POLE2: variants seen among roughly 807,000 people sequenced by gnomAD.
The protein encoded by POLE2 is DNA polymerase epsilon 2, accessory subunit.
A neutral mutation model predicts 79.4 loss-of-function variants in POLE2; 56 were observed. That is an observed-to-expected ratio of 0.71 (90% CI 0.57 to 0.88). The LOEUF (loss-of-function observed/expected upper bound fraction) is 0.88, where lower values mean the gene tolerates loss of function less well. POLE2 is among the 40% of genes least tolerant of loss of function. The probability of loss-of-function intolerance (pLI) is 0.00; values close to 1 mark genes in which losing one functional copy is unlikely to be tolerated. For synonymous variants in POLE2, 212 were observed against 214.0 expected, an observed-to-expected ratio of 0.99 and a Z score of 0.08; for missense variants, 598 against 638.9, an observed-to-expected ratio of 0.94 and a Z score of 0.69.
chr14:49,679,108 C>T (rs1165866268), intron 3 of POLE2, among the ~76,000 whole-genome samples: 1 of 152,062 alleles, frequency 6.6e-6, no homozygotes, highest in East Asian at 1.9e-4. Context: ...ATCTCCATTG[C>T]CCCAAATAGG....
In POLE2 at chr14:49,651,266, T is replaced by G. The variant is rs1263946195; in HGVS notation, c.1320+3A>C. On this transcript the variant is annotated splice_donor_region_variant and intron_variant, in intron 16 of 18. Coordinates refer to ENST00000216367, the MANE Select transcript of POLE2 (RefSeq NM_002692.4). ...AGTTTAATAAAAAAGTTGTTTCACT[T>G]ACGTGATTAGGAATAGCCAAATTGC... is the stretch of plus-strand genomic sequence containing the variant. The G allele has an allele frequency of 1.4e-6, 2 of 1,443,374 alleles. No individual in the cohort carries two copies. The highest frequency in any genetic ancestry group is 1.9e-6 in the Non-Finnish European group (2 of 1,029,802). 89.4% of individuals were successfully genotyped at this position (1,443,374 alleles called of 1,614,324 possible).
intron 17 of POLE2, among the ~76,000 whole-genome samples, chr14:49,649,903 A>C (rs1362629598): frequency 6.6e-6 from 1 of 152,224 alleles, no homozygotes; most frequent in African/African-American, 2.4e-5. Context: ...AATTTCCAAA[A>C]ATCAAAATCA....
chr14:49,673,811 TA>T (rs1175509073), intron 5 of POLE2, among the ~76,000 whole-genome samples: 1 of 152,226 alleles, frequency 6.6e-6, no homozygotes, highest in Non-Finnish European at 1.5e-5. Flanking sequence ...TAATAGCATT[TA>T]CACATTATTA....
In POLE2 at chr14:49,688,119, T is replaced by C. The variant is rs1173763312; in HGVS notation, c.68+17A>G. 1.3e-6 allele frequency: 2 copies of C among 1,545,538 alleles called. No individual in the cohort carries two copies. Among genetic ancestry groups the C allele is most frequent in the South Asian group, 2.4e-5 (2 of 84,852 alleles). ...AGCTCTTCCCTCTCGCCCTTCAAGC[T>C]GCCCGAGCCCACTCACCCACGGAGC... On this transcript the variant is annotated intron_variant, in intron 1 of 18. Transcript: ENST00000216367.
chr14:49,649,603 C>T (rs1025196800), intron 17 of POLE2, among the ~76,000 whole-genome samples: 2 of 151,914 alleles, frequency 1.3e-5, no homozygotes, highest in African/African-American at 4.8e-5. Flanking sequence ...GCGCGCACCA[C>T]CACGCCCAGC....
At chr14:49,656,347 C>G (rs1394570982) in intron 10 of POLE2, among the ~76,000 whole-genome samples, 1 of 135,324 alleles carries the variant, frequency 7.4e-6, no homozygotes, top group Non-Finnish European at 1.6e-5. Context: ...CAGTGAGACT[C>G]TTGTCTCAAA....
intron 3 of POLE2, chr14:49,677,381 C>A (rs531149463): frequency 2.1e-6 from 1 of 485,068 alleles, no homozygotes; most frequent in South Asian, 2.4e-5. Flanking sequence ...GTATCTACAG[C>A]GGCTTGAGGC....
At chr14:49,668,808 T>A (rs1428393301) in intron 6 of POLE2, among the ~76,000 whole-genome samples, 1 of 152,070 alleles carries the variant, frequency 6.6e-6, no homozygotes, top group African/African-American at 2.4e-5. Flanking sequence ...AAAAGTTTTG[T>A]TTGTTTGTTT....
intron 6 of POLE2, among the ~76,000 whole-genome samples, chr14:49,669,137 GATGAGT>G (rs1337923709): frequency 6.6e-6 from 1 of 152,174 alleles, no homozygotes; most frequent in Non-Finnish European, 1.5e-5. Context: ...GTCACTGAGG[GATGAGT>G]TGGGCAAGGA....
chr14:49,672,750 C>T (rs895135513), intron 5 of POLE2, among the ~76,000 whole-genome samples: 6 of 152,258 alleles, frequency 3.9e-5, no homozygotes, highest in South Asian at 2.1e-4. Flanking sequence ...CCACCCACCT[C>T]GGCCTCCCAA....
intron 3 of POLE2, 81 bp downstream of exon 3, chr14:49,679,644 A>G (rs764044002): frequency 1.4e-6 from 1 of 721,220 alleles, no homozygotes. Context: ...GTTGATCACT[A>G]ATAATTTTCC....
chr14:49,667,346 AGTT>A (rs1885561419), intron 6 of POLE2, among the ~76,000 whole-genome samples: 1 of 152,150 alleles, frequency 6.6e-6, no homozygotes, highest in Non-Finnish European at 1.5e-5. Flanking sequence ...AACTAATTGA[AGTT>A]AATATTATCT....
intron 1 of POLE2, among the ~76,000 whole-genome samples, chr14:49,687,415 CA>C (rs2139706517): frequency 6.6e-6 from 1 of 151,906 alleles, no homozygotes; most frequent in East Asian, 1.9e-4. Flanking sequence ...TATAGGTCCT[CA>C]AAAACACGGA....
At position 49,654,959 on chromosome 14, in the gene POLE2, T is replaced by C. The variant is rs367956084; in HGVS notation, c.1018+46A>G. On this transcript the variant is annotated intron_variant, in intron 12 of 18. Coordinates refer to ENST00000216367, the MANE Select transcript of POLE2 (RefSeq NM_002692.4). ...TATGGATAATTTCTTATTACTTTAG[T>C]TTATATGACTATAGAAACACTTCTT... The C allele has an allele frequency of 2.0e-3, 2,826 of 1,397,788 alleles. 5 individuals carry two copies. The highest frequency in any genetic ancestry group is 2.4e-3 in the Non-Finnish European group (2,518 of 1,041,216). The allele number at this position is 1,397,788 out of a possible 1,614,324, so 86.6% of individuals were successfully genotyped here.
chr14:49,655,904 T>A, intron 10 of POLE2, 61 bp from the exon 11 acceptor site: 1 of 866,416 alleles, frequency 1.2e-6, no homozygotes, highest in Non-Finnish European at 1.8e-6. Context: ...CTAATAGTTG[T>A]ATACATTTAG....
chr14:49,644,069 G>A (rs1487225799), intron 18 of POLE2, among the ~76,000 whole-genome samples: 15 of 149,802 alleles, frequency 1.0e-4, no homozygotes, highest in Non-Finnish European at 1.9e-4. Context: ...TAGTAGAGAC[G>A]AGGTTTCACC....
intron 2 of POLE2, among the ~76,000 whole-genome samples, chr14:49,682,616 G>A (rs866382038): frequency 7.0e-5 from 9 of 129,304 alleles, no homozygotes; most frequent in Non-Finnish European, 1.1e-4. Context: ...CAGCCTGGGC[G>A]ACAGTGCAAG....
At chr14:49,666,650 G>A (rs1164406047) in intron 6 of POLE2, among the ~76,000 whole-genome samples, 1 of 152,028 alleles carries the variant, frequency 6.6e-6, no homozygotes, top group Non-Finnish European at 1.5e-5. Flanking sequence ...CATCGACTCA[G>A]GCTCTTACCA....
intron 18 of POLE2, among the ~76,000 whole-genome samples, chr14:49,646,341 A>AGC (rs1491464870): frequency 8.5e-5 from 7 of 82,542 alleles, no homozygotes; most frequent in Middle Eastern, 0.017. Context: ...TTTTTGAGAT[A>AGC]GAGTCTCACT....
Sources: allele counts gnomAD v4.1 joint callset (sites outside exome capture counted in the v4.1 genomes callset), GRCh38; gene constraint gnomAD v4.1.1; transcripts MANE v1.5; gene names NCBI Gene and HGNC (gene_info 2026-07-23, HGNC 2026-07-21).